ALDH8A1: variants seen among roughly 807,000 people sequenced by gnomAD.
ALDH8A1 encodes the protein 2-aminomuconic semialdehyde dehydrogenase.
In ALDH8A1, 39 loss-of-function variants were observed where a neutral mutation model predicts 43.3. The ratio of observed to expected loss-of-function variants is 0.90; its 90% CI spans 0.70 to 1.18. The LOEUF is 1.18. Ranked by LOEUF, ALDH8A1 falls within the 50% of genes most tolerant of loss-of-function variation. The pLI, the probability that ALDH8A1 is intolerant of heterozygous loss-of-function variation, is 0.00. For synonymous variants in ALDH8A1, 233 were observed against 243.5 expected (o/e 0.96, Z 0.40); for missense variants, 605 against 622.6 (o/e 0.97, Z 0.30).
intron 3 of ALDH8A1, chr6:134,940,295 G>C (rs1441694355): frequency 4.1e-6 from 1 of 241,986 alleles, no homozygotes; most frequent in Non-Finnish European, 8.6e-6. Context: ...GACGCATTTT[G>C]AGATTTATAG....
At chr6:134,938,484 A>G (rs1773789553) in intron 4 of ALDH8A1, among the ~76,000 whole-genome samples, 1 of 152,234 alleles carries the variant, frequency 6.6e-6, no homozygotes, top group Non-Finnish European at 1.5e-5. Context: ...TCCCAAAGGC[A>G]GGAAAAACTG....
rs765559483 is a variant in ALDH8A1 at position 134,932,832 on chromosome 6, C to T, written c.793G>A (p.Asp265Asn). 1.2e-6 allele frequency: 2 copies of T among 1,614,108 alleles called. No individual in the cohort carries two copies. The highest frequency in any genetic ancestry group is 2.7e-5 in the African/African-American group (2 of 74,930). The change falls in exon 5 of 7, where the codon GAC becomes AAC. Residue 265 changes from aspartate (D) to asparagine (N), a missense_variant. Asp to Asn is a conservative substitution (Grantham distance 23). Transcript: ENST00000265605. ...GGKNPAIIFEDANLDECIPAT... is the reference protein window; with the variant it reads ...GGKNPAIIFENANLDECIPAT... Reference sequence around the variant, plus strand: ...GGAATGCACTCATCCAGGTTGGCGTCCTCAAAGATGATGGCAGGATTCTTG... The same window carrying T: ...GGAATGCACTCATCCAGGTTGGCGTTCTCAAAGATGATGGCAGGATTCTTG...
intron 5 of ALDH8A1, 98 bp downstream of exon 5, chr6:134,932,678 T>C (rs1364806656): frequency 1.1e-5 from 16 of 1,504,188 alleles, no homozygotes; most frequent in Non-Finnish European, 1.4e-5. Flanking sequence ...GAAATGGCAC[T>C]GGATTGACTG....
intron 6 of ALDH8A1, among the ~76,000 whole-genome samples, chr6:134,922,262 C>T (rs991454722): frequency 2.6e-5 from 4 of 152,230 alleles, no homozygotes; most frequent in African/African-American, 9.6e-5. Context: ...AGGCAAGCCA[C>T]ATAGATAGCA....
rs182288898 is a variant in ALDH8A1, at chr6:134,920,124, G to T, written c.1012-1257C>A. On this transcript the variant is annotated intron_variant, in intron 6 of 6. Coordinates refer to ENST00000265605, the MANE Select transcript of ALDH8A1 (RefSeq NM_022568.4). ...GATGGGGTCTTGCTATGTTGCCCAG[G>T]CTGGTCTTCAACTCCTGGTCTCAAG... Among the ~76,000 whole-genome samples, 135 of 152,228 alleles carry T rather than the reference G, an allele frequency of 8.9e-4. 2 individuals carry two copies. The South Asian group carries it at 0.02, about 22-fold the overall frequency.
chr6:134,947,719 G>C (rs1052897662), intron 1 of ALDH8A1, among the ~76,000 whole-genome samples: 2 of 151,712 alleles, frequency 1.3e-5, no homozygotes, highest in Non-Finnish European at 2.9e-5. Flanking sequence ...CAGTTAAAAT[G>C]GTCATTATCA....
At chr6:134,933,888 T>C (rs745776173) in intron 4 of ALDH8A1, among the ~76,000 whole-genome samples, 40 of 152,230 alleles carry the variant, frequency 2.6e-4, no homozygotes, top group Non-Finnish European at 5.0e-4. Context: ...TTTGTATTTT[T>C]AGTAGAGAGG....
chr6:134,945,270 A>G (rs1199922615), intron 1 of ALDH8A1, among the ~76,000 whole-genome samples: 1 of 152,154 alleles, frequency 6.6e-6, no homozygotes, highest in Non-Finnish European at 1.5e-5. Flanking sequence ...TCACACAGCT[A>G]ATAAGTGGCA....
At chr6:134,928,006 T>A (rs1776915084) in intron 6 of ALDH8A1, among the ~76,000 whole-genome samples, 2 of 152,188 alleles carry the variant, frequency 1.3e-5, no homozygotes. Context: ...GTACCTGCAA[T>A]CTTGTAGGTA....
chr6:134,932,696 C>T, intron 5 of ALDH8A1, 80 bp downstream of exon 5: 1 of 1,553,174 alleles, frequency 6.4e-7, no homozygotes, highest in Non-Finnish European at 8.7e-7. Context: ...CTGGCTTGCT[C>T]CCAGGCATTG....
chr6:134,939,799 A>T lies in ALDH8A1; in HGVS notation c.443-384T>A, dbSNP rs114448971. ...GCAGCACTTTGCTATTCACAATAGC[A>T]ATAGCAAAGACATGGAATCAACTCA... is the stretch of plus-strand genomic sequence containing the variant. On this transcript the variant is annotated intron_variant, in intron 3 of 6. Transcript: ENST00000265605. Among the ~76,000 whole-genome samples the T allele has an allele frequency of 4.1e-3, 619 of 152,370 alleles. 11 individuals carry two copies. Among genetic ancestry groups the T allele is most frequent in the African/African-American group, 0.014 (596 of 41,590 alleles).
chr6:134,933,325 G>C (rs1773661553), intron 4 of ALDH8A1, among the ~76,000 whole-genome samples: 1 of 152,168 alleles, frequency 6.6e-6, no homozygotes, highest in Non-Finnish European at 1.5e-5. Flanking sequence ...CATAATACTG[G>C]CTAGGCCTTA....
At chr6:134,943,748 C>A in intron 2 of ALDH8A1, 71 bp downstream of exon 2, 1 of 1,573,674 alleles carries the variant, frequency 6.4e-7, no homozygotes, top group South Asian at 1.2e-5. Flanking sequence ...GGCCTGATGG[C>A]CCCAAGAGGG....
intron 4 of ALDH8A1, among the ~76,000 whole-genome samples, chr6:134,933,900 G>GA (rs1773676748): frequency 6.6e-6 from 1 of 152,042 alleles, no homozygotes; most frequent in Admixed American, 6.6e-5. Context: ...GTAGAGAGGG[G>GA]ATTTCATCAT....
In ALDH8A1 at chr6:134,929,114, G is replaced by A; in HGVS notation, c.951C>T (p.Gly317=). 6.2e-7 allele frequency: 1 copy of A among 1,614,170 alleles called. No individual in the cohort carries two copies. Among genetic ancestry groups the A allele is most frequent in the Non-Finnish European group, 8.5e-7 (1 of 1,180,024 alleles). Residue 317 remains glycine, a synonymous_variant, in exon 6 of 7, where the codon GGC becomes GGT. Transcript: ENST00000265605. ...TGCTCACCAGTGGATCAGAGGGAAT[G>A]CCGACTTTCCACTTTCTGGTAGCTT... ...FVEATRKWKV[G]IPSDPLVSIG...
At chr6:134,937,628 G>A (rs1224003822) in intron 4 of ALDH8A1, among the ~76,000 whole-genome samples, 1 of 152,170 alleles carries the variant, frequency 6.6e-6, no homozygotes, top group Non-Finnish European at 1.5e-5. Flanking sequence ...GGAGAGAGTG[G>A]TTAAGGGAAC....
intron 1 of ALDH8A1, among the ~76,000 whole-genome samples, chr6:134,947,416 AAGAAACAGC>A (rs1296323351): frequency 6.6e-6 from 1 of 152,206 alleles, no homozygotes; most frequent in Non-Finnish European, 1.5e-5. Context: ...TGCACAACAG[AAGAAACAGC>A]AGAGTTAAGA....
intron 4 of ALDH8A1, among the ~76,000 whole-genome samples, chr6:134,938,445 G>A (rs1437390370): frequency 1.3e-5 from 2 of 152,172 alleles, no homozygotes; most frequent in African/African-American, 2.4e-5. Flanking sequence ...CTAGGAAGAG[G>A]CCATATTGTA....
chr6:134,939,290 A>G lies in ALDH8A1; in HGVS notation c.568T>C (p.Leu190=). The G allele has an allele frequency of 6.2e-7, 1 of 1,614,196 alleles. No homozygotes were observed. Among genetic ancestry groups the G allele is most frequent in the Non-Finnish European group, 8.5e-7 (1 of 1,180,028 alleles). Residue 190 remains leucine (L), a synonymous_variant, in exon 4 of 7, where the codon TTG becomes CTG. Coordinates refer to ENST00000265605, the MANE Select transcript of ALDH8A1 (RefSeq NM_022568.4). ...SELTSVTAWM[L]CKLLDKAGVP... ...CCTGCTTTATCCAGGAGTTTGCACA[A>G]CATCCACGCAGTCACTGAAGTCAGC...
Sources: allele counts gnomAD v4.1 joint callset (sites outside exome capture counted in the v4.1 genomes callset), GRCh38; gene constraint gnomAD v4.1.1; transcripts MANE v1.5; gene names NCBI Gene and HGNC (gene_info 2026-07-23, HGNC 2026-07-21).